The following SEC23B variants were observed in gnomAD, a reference collection of about 807,000 sequenced individuals.
SEC23B encodes protein transport protein Sec23B.
SEC23B carries 77 observed loss-of-function variants against 104.3 expected under a neutral mutation model. The ratio of observed to expected loss-of-function variants is 0.74; its 90% CI spans 0.61 to 0.89. The LOEUF (loss-of-function observed/expected upper bound fraction) is 0.89, where lower values mean the gene tolerates loss of function less well. Among genes scored for constraint, SEC23B ranks in the 40% least tolerant of loss-of-function variants. SEC23B has a pLI of 0.00. For missense variants in SEC23B, 885 were observed against 949.4 expected (o/e 0.93, Z 0.89); for synonymous variants, 338 against 332.5 (o/e 1.02, Z -0.18).
chr20:18,515,515 G>T lies in SEC23B; in HGVS notation c.280-135G>T, dbSNP rs929199140. 20 of 674,920 alleles carry T rather than the reference G, an allele frequency of 3.0e-5. No individual in the cohort carries two copies. The African/African-American group carries it at 3.2e-4, about 11-fold the overall frequency. The allele number at this position is 674,920 out of a possible 1,614,324, so 41.8% of individuals were successfully genotyped here. On this transcript the variant is annotated intron_variant, in intron 3 of 19. Transcript: ENST00000650089. ...TTGTATACAGACAGGGTCTCACAGT[G>T]TTGCCCAAGCTAGTCTGGAGCTCCT... is the stretch of plus-strand genomic sequence containing the variant.
chr20:18,514,621 A>G (rs1168103473), intron 3 of SEC23B, among the ~76,000 whole-genome samples: 1 of 152,268 alleles, frequency 6.6e-6, no homozygotes, highest in Non-Finnish European at 1.5e-5. Context: ...TATTTGGATT[A>G]TAAGCCAACC....
rs549093642 is a variant in SEC23B at position 18,534,394 on chromosome 20, G to A, written c.1315-1259G>A. On this transcript the variant is annotated intron_variant, in intron 11 of 19. Coordinates refer to ENST00000650089, the MANE Select transcript of SEC23B (RefSeq NM_006363.6). ...CATTTGATATTACAGCCTTTGTAAA[G>A]TGAGAGTCTGGGTTAAAGGTGTGTT... Among the ~76,000 whole-genome samples the A allele has an allele frequency of 5.9e-5, 9 of 152,214 alleles. No homozygotes were observed. In the South Asian group the frequency reaches 1.9e-3, roughly 32 times the overall value.
intron 14 of SEC23B, among the ~76,000 whole-genome samples, chr20:18,545,174 T>G (rs2060321278): frequency 6.6e-6 from 1 of 152,134 alleles, no homozygotes; most frequent in South Asian, 2.1e-4. Flanking sequence ...CTGGCTCTAG[T>G]GTTCATTTGT....
chr20:18,538,147 A>G lies in SEC23B; in HGVS notation c.1404+2405A>G, dbSNP rs143521809. On this transcript the variant is annotated intron_variant, in intron 12 of 19. Coordinates refer to ENST00000650089, the MANE Select transcript of SEC23B (RefSeq NM_006363.6). ...TTAGCAGAGACAAGGTTTTGCCACA[A>G]TGGCCAGGCTGGTCTTGAACTGACC... Among the ~76,000 whole-genome samples, 3 of 151,704 alleles carry G rather than the reference A, an allele frequency of 2.0e-5. No individual in the cohort carries two copies. In the East Asian group the frequency reaches 5.8e-4, roughly 29 times the overall value.
chr20:18,531,836 G>A (rs1290974345), intron 10 of SEC23B, among the ~76,000 whole-genome samples: 1 of 151,932 alleles, frequency 6.6e-6, no homozygotes, highest in Non-Finnish European at 1.5e-5. Flanking sequence ...GATTGCATGA[G>A]CTTTGGAATT....
chr20:18,524,987 C>T lies in SEC23B; in HGVS notation c.656C>T (p.Ala219Val). ...PAMPMQQARP[A>V]QPQEHPFASS... ...ATGCCCATGCAGCAAGCACGACCTGCACAACCACAGGAGCACCCTTTTGCT... is the reference window on the plus strand; with the variant it reads ...ATGCCCATGCAGCAAGCACGACCTGTACAACCACAGGAGCACCCTTTTGCT... The change falls in exon 6 of 20, where the codon GCA (alanine) becomes GTA (valine). Residue 219 changes from alanine to valine, a missense_variant. Ala to Val is a moderately conservative substitution (Grantham distance 64, BLOSUM62 0). Coordinates refer to ENST00000650089, the MANE Select transcript of SEC23B (RefSeq NM_006363.6). 1 of 1,614,060 alleles carries T rather than the reference C, an allele frequency of 6.2e-7. No individual in the cohort carries two copies.
Position 18,521,215 on chromosome 20 carries a change from AT to A in SEC23B, c.367-3216del, listed in dbSNP as rs1429024621. On this transcript the variant is annotated intron_variant, in intron 4 of 19. Transcript: ENST00000650089. ...ATTGTTACTTGGCTGCCTCTACTCTATTATTGTACACCTTGAAGGCGAGGTT... is the reference window on the plus strand; with the variant it reads ...ATTGTTACTTGGCTGCCTCTACTCTATATTGTACACCTTGAAGGCGAGGTT... 1.1e-4 allele frequency among the ~76,000 whole-genome samples: 17 copies of A among 152,252 alleles called. No individual in the cohort carries two copies. The South Asian group carries it at 2.3e-3, about 20-fold the overall frequency.
intron 12 of SEC23B, among the ~76,000 whole-genome samples, chr20:18,538,223 A>G (rs2060253915): frequency 6.7e-6 from 1 of 149,304 alleles, no homozygotes. Context: ...TACAGGTGTG[A>G]GCTACCACGC....
rs2059945085 is a variant in SEC23B at position 18,507,946 on chromosome 20, G to C, written c.-41G>C. 2 of 152,782 alleles carry C rather than the reference G, an allele frequency of 1.3e-5. No homozygotes were observed. The highest frequency in any genetic ancestry group is 4.8e-5 in the African/African-American group (2 of 41,486). The allele number at this position is 152,782 out of a possible 1,614,324, so 9.5% of individuals were successfully genotyped here. A position where few individuals can be genotyped will look rare whatever the true frequency, so the allele number is the denominator to read the frequency against. On this transcript the variant is annotated 5_prime_UTR_variant, in exon 1 of 20. Transcript: ENST00000650089. ...TGGGAGCCGGAGCCTGCTTGTTGCA[G>C]CTGTGGGTGAGGACGGCTCTAGCTA...
chr20:18,521,439 T>G (rs1011723795), intron 4 of SEC23B, among the ~76,000 whole-genome samples: 3 of 152,078 alleles, frequency 2.0e-5, no homozygotes, highest in Non-Finnish European at 4.4e-5. Context: ...GGTTTTTATA[T>G]CTGATGAAAA....
chr20:18,514,161 G>T (rs2060004778), intron 3 of SEC23B, among the ~76,000 whole-genome samples: 1 of 152,180 alleles, frequency 6.6e-6, no homozygotes, highest in Non-Finnish European at 1.5e-5. Context: ...ATAATCTTTT[G>T]TAACCTTCCT....
chr20:18,545,388 G>C (rs1185949003), intron 14 of SEC23B, among the ~76,000 whole-genome samples: 1 of 152,216 alleles, frequency 6.6e-6, no homozygotes, highest in African/African-American at 2.4e-5. Flanking sequence ...ATGCTGCTAG[G>C]AAGTTCAAGA....
chr20:18,508,831 C>T (rs1044534976), intron 1 of SEC23B, among the ~76,000 whole-genome samples: 35 of 151,670 alleles, frequency 2.3e-4, no homozygotes, highest in Non-Finnish European at 5.9e-5. Context: ...GCAGTCCTCC[C>T]TGCCGCAGCC....
chr20:18,513,663 G>A (rs1424177574), intron 3 of SEC23B, among the ~76,000 whole-genome samples: 1 of 152,216 alleles, frequency 6.6e-6, no homozygotes, highest in Non-Finnish European at 1.5e-5. Flanking sequence ...ACTGACCATA[G>A]GTTCGGAAAC....
At chr20:18,549,876 A>T (rs1350047106) in intron 16 of SEC23B, among the ~76,000 whole-genome samples, 1 of 151,990 alleles carries the variant, frequency 6.6e-6, no homozygotes, top group African/African-American at 2.4e-5. Context: ...TGGGAGGCTG[A>T]GGCTGGAGAA....
At chr20:18,525,690 A>G in intron 6 of SEC23B, 98 bp from the exon 7 acceptor site, 1 of 1,296,854 alleles carries the variant, frequency 7.7e-7, no homozygotes, top group Non-Finnish European at 1.1e-6. Context: ...TACTACTCTG[A>G]ATAATTATCT....
chr20:18,527,061 A>G (rs1343578591), intron 8 of SEC23B, among the ~76,000 whole-genome samples: 1 of 152,250 alleles, frequency 6.6e-6, no homozygotes, highest in Non-Finnish European at 1.5e-5. Context: ...TACTAAAAAT[A>G]CAAAAATTAG....
chr20:18,518,310 C>T (rs527790143), intron 4 of SEC23B, among the ~76,000 whole-genome samples: 2 of 152,276 alleles, frequency 1.3e-5, no homozygotes, highest in South Asian at 2.1e-4. Flanking sequence ...TTTTAGTTTC[C>T]TGACTCAGGG....
intron 15 of SEC23B, among the ~76,000 whole-genome samples, chr20:18,546,700 C>T (rs1471538778): frequency 6.6e-6 from 1 of 152,172 alleles, no homozygotes; most frequent in Admixed American, 6.5e-5. Context: ...AGCTCCATAG[C>T]AGGTGCCTGG....
Sources: gnomAD v4.1 joint callset for allele counts (sites outside exome capture counted in the v4.1 genomes callset) on GRCh38, gnomAD v4.1.1 for gene constraint, MANE v1.5 for transcripts, NCBI Gene and HGNC (gene_info 2026-07-23, HGNC 2026-07-21) for gene names.